Variants in PRELID2 observed in about 807,000 individuals in gnomAD.
PRELID2 encodes the protein PRELI domain containing 2, also known as PRELI domain-containing protein 2.
In PRELID2, 25 loss-of-function variants were observed where a neutral mutation model predicts 28.4. The observed-to-expected ratio is 0.88, with a 90% confidence interval of 0.64 to 1.23. PRELID2 has a LOEUF of 1.23. Ranked by LOEUF, PRELID2 falls within the 50% of genes most tolerant of loss-of-function variation. PRELID2 has a pLI of 0.00. For missense variants in PRELID2, 201 were observed against 214.4 expected (o/e 0.94, Z 0.39); for synonymous variants, 76 against 71.6 (o/e 1.06, Z -0.31).
At chr5:145,820,371 G>A (rs1250551161) in intron 2 of PRELID2, among the ~76,000 whole-genome samples, 2 of 152,124 alleles carry the variant, frequency 1.3e-5, no homozygotes, top group African/African-American at 4.8e-5. Context: ...GGGTACAACA[G>A]TAACTCAGAA....
intron 1 of PRELID2, among the ~76,000 whole-genome samples, chr5:145,695,868 T>C (rs1755249820): frequency 6.6e-6 from 1 of 152,034 alleles, no homozygotes; most frequent in Non-Finnish European, 1.5e-5. Context: ...ACTGATCACA[T>C]AGACTGACTC....
At chr5:145,304,133 T>A in the PRELID2 span, among the ~76,000 whole-genome samples, 43 of 152,242 alleles carry the variant, frequency 2.8e-4, no homozygotes, top group South Asian at 1.0e-3. Context: ...ATTGGCAAAA[T>A]ACAGCAAAAT....
chr5:145,373,178 A>C, the PRELID2 span, among the ~76,000 whole-genome samples: 1 of 34,516 alleles, frequency 2.9e-5, no homozygotes, highest in Non-Finnish European at 4.7e-5. Flanking sequence ...CAACATATAT[A>C]ATATATATGA....
chr5:145,502,715 T>C (rs549728995), intron 1 of PRELID2, among the ~76,000 whole-genome samples: 8 of 152,274 alleles, frequency 5.3e-5, no homozygotes, highest in Non-Finnish European at 1.2e-4. Flanking sequence ...CCACTCAATA[T>C]GCATATAATG....
At chr5:145,445,130 GTAC>G in the PRELID2 span, among the ~76,000 whole-genome samples, 1 of 151,962 alleles carries the variant, frequency 6.6e-6, no homozygotes, top group South Asian at 2.1e-4. Context: ...CCTTCAAAAT[GTAC>G]TACAAATTTG....
At chr5:145,256,137 T>A in the PRELID2 span, among the ~76,000 whole-genome samples, 1 of 151,810 alleles carries the variant, frequency 6.6e-6, no homozygotes, top group Non-Finnish European at 1.5e-5. Flanking sequence ...CTGCAGGCCA[T>A]AAAAAAGAAT....
chr5:145,275,458 G>C, the PRELID2 span, among the ~76,000 whole-genome samples: 1 of 152,066 alleles, frequency 6.6e-6, no homozygotes, highest in East Asian at 1.9e-4. Flanking sequence ...TGAGCTGGAG[G>C]AAGAAAAGGA....
the PRELID2 span, among the ~76,000 whole-genome samples, chr5:145,317,202 T>A: frequency 6.6e-6 from 1 of 152,218 alleles, no homozygotes; most frequent in African/African-American, 2.4e-5. Flanking sequence ...GGTCCCACAA[T>A]GGTCCTTTGA....
At chr5:145,422,625 G>T in the PRELID2 span, among the ~76,000 whole-genome samples, 2 of 151,904 alleles carry the variant, frequency 1.3e-5, no homozygotes, top group Non-Finnish European at 2.9e-5. Context: ...GAGCCTATGT[G>T]TGTCTCTGCA....
At chr5:145,458,451 C>T in the PRELID2 span, among the ~76,000 whole-genome samples, 2 of 152,076 alleles carry the variant, frequency 1.3e-5, no homozygotes, top group Non-Finnish European at 2.9e-5. Context: ...ATTCCAATTT[C>T]GTTATAATAC....
chr5:145,720,818 T>A (rs1034772173), intron 1 of PRELID2, among the ~76,000 whole-genome samples: 11 of 151,870 alleles, frequency 7.2e-5, no homozygotes, highest in Non-Finnish European at 2.9e-5. Flanking sequence ...AGAGGGGAAT[T>A]GGAAAGGAGA....
the PRELID2 span, among the ~76,000 whole-genome samples, chr5:145,456,676 G>T: frequency 2.0e-5 from 3 of 152,162 alleles, no homozygotes; most frequent in African/African-American, 7.2e-5. Flanking sequence ...AAGTGATAAT[G>T]CTAATAGACG....
At chr5:145,713,671 G>GTATATATATATATACACACTT (rs1441387879) in intron 1 of PRELID2, among the ~76,000 whole-genome samples, 1 of 92,380 alleles carries the variant, frequency 1.1e-5, no homozygotes, top group African/African-American at 5.2e-5. Context: ...TATAGTGTGT[G>GTATATATATATATACACACTT]TATATATATA....
intron 1 of PRELID2, among the ~76,000 whole-genome samples, chr5:145,713,412 TACTTTATATATATCTG>T (rs1357586078): frequency 2.9e-5 from 4 of 140,084 alleles, no homozygotes; most frequent in Admixed American, 2.2e-4. Context: ...CTTTTATATA[TACTTTATATATATCTG>T]ACTTTATATA....
At chr5:145,464,613 T>C in the PRELID2 span, among the ~76,000 whole-genome samples, 15 of 152,314 alleles carry the variant, frequency 9.8e-5, no homozygotes, top group African/African-American at 3.4e-4. Flanking sequence ...CCTTTTAATA[T>C]GTCATCTCTT....
the PRELID2 span, among the ~76,000 whole-genome samples, chr5:145,241,826 A>G: frequency 6.6e-6 from 1 of 152,008 alleles, no homozygotes; most frequent in Non-Finnish European, 1.5e-5. Flanking sequence ...ACCAGTGAAC[A>G]TCGTTTTCTT....
chr5:145,505,006 A>G (rs1403802576), intron 1 of PRELID2, among the ~76,000 whole-genome samples: 2 of 152,120 alleles, frequency 1.3e-5, no homozygotes, highest in Non-Finnish European at 2.9e-5. Context: ...ATACTTAAGC[A>G]AGCACATCCT....
At chr5:145,571,464 A>G (rs1455306387) in intron 1 of PRELID2, among the ~76,000 whole-genome samples, 1 of 152,222 alleles carries the variant, frequency 6.6e-6, no homozygotes, top group East Asian at 1.9e-4. Context: ...ACTGATTCTT[A>G]TCCAGCATCA....
At chr5:145,336,240 G>C in the PRELID2 span, among the ~76,000 whole-genome samples, 1 of 151,948 alleles carries the variant, frequency 6.6e-6, no homozygotes, top group Non-Finnish European at 1.5e-5. Context: ...TCACTCTGAT[G>C]GTAGTTTGTT....
Sources: gnomAD v4.1 joint callset for allele counts (sites outside exome capture counted in the v4.1 genomes callset) on GRCh38, gnomAD v4.1.1 for gene constraint, MANE v1.5 for transcripts, NCBI Gene and HGNC (gene_info 2026-07-23, HGNC 2026-07-21) for gene names.